The following AMBP variants were observed in gnomAD, a reference collection of about 807,000 sequenced individuals.
The protein encoded by AMBP is protein AMBP.
A neutral mutation model predicts 46.3 loss-of-function variants in AMBP; 37 were observed. That is an observed-to-expected ratio of 0.80 (90% CI 0.61 to 1.05). The LOEUF (loss-of-function observed/expected upper bound fraction) is 1.05. AMBP is among the 50% of genes least tolerant of loss of function. The pLI, the probability that AMBP is intolerant of heterozygous loss-of-function variation, is 0.00. For synonymous variants in AMBP, 174 were observed against 175.9 expected (o/e 0.99, Z 0.09); for missense variants, 475 against 461.2 (o/e 1.03, Z -0.27).
rs1846773791 is a variant in AMBP, at chr9:114,073,967, T to C, written c.454+69A>G. On this transcript the variant is annotated intron_variant, in intron 4 of 9. Coordinates refer to ENST00000265132, the MANE Select transcript of AMBP (RefSeq NM_001633.4). ...AGCAAAACTCCCTGTGCTTACCCAC[T>C]CCACTGTCCATAAATCAATGTCCTC... 4 of 1,455,252 alleles carry C rather than the reference T, an allele frequency of 2.7e-6. No homozygotes were observed. The South Asian group carries it at 4.6e-5, about 17-fold the overall frequency. 90.1% of individuals were successfully genotyped at this position (1,455,252 alleles called of 1,614,324 possible).
intron 5 of AMBP, among the ~76,000 whole-genome samples, chr9:114,070,305 C>T (rs75999836): frequency 0.063 from 9,636 of 152,256 alleles, 475 homozygotes; most frequent in Non-Finnish European, 0.093. Flanking sequence ...GGAGCTGGGA[C>T]CCCTGTGGCT....
At chr9:114,076,888 A>G (rs1412463834) in intron 1 of AMBP, 148 bp from the exon 2 acceptor site, 2 of 1,074,176 alleles carry the variant, frequency 1.9e-6, no homozygotes, top group African/African-American at 3.2e-5. Flanking sequence ...ATGTCTTACA[A>G]CTAATCAGAG....
At chr9:114,061,237 C>T (rs758777980) in intron 8 of AMBP, 139 bp from the exon 9 acceptor site, 6 of 1,391,564 alleles carry the variant, frequency 4.3e-6, no homozygotes, top group African/African-American at 1.4e-5. Context: ...CTGGGGCCCA[C>T]AGGAAGAAAA....
chr9:114,062,646 C>T, intron 7 of AMBP, 31 bp downstream of exon 7: 1 of 1,608,472 alleles, frequency 6.2e-7, no homozygotes, highest in Non-Finnish European at 8.5e-7. Context: ...TGGAGTATGG[C>T]AGAGGGGGTG....
intron 4 of AMBP, 97 bp from the exon 5 acceptor site, chr9:114,073,123 A>AT: frequency 9.4e-7 from 1 of 1,063,402 alleles, no homozygotes; most frequent in Non-Finnish European, 1.4e-6. Context: ...CTTAGGGAAA[A>AT]TTTGAAAACT....
intron 2 of AMBP, 118 bp from the exon 3 acceptor site, chr9:114,075,154 G>A: frequency 1.4e-6 from 1 of 729,786 alleles, no homozygotes; most frequent in South Asian, 1.8e-5. Flanking sequence ...TTGTTTGTGT[G>A]TTTTTGTTTG....
At chr9:114,074,230 C>G in intron 3 of AMBP, 78 bp from the exon 4 acceptor site, 1 of 1,077,374 alleles carries the variant, frequency 9.3e-7, no homozygotes, top group African/African-American at 1.5e-5. Context: ...CACCTGTTTA[C>G]TCACACATCA....
chr9:114,063,752 G>A (rs1321418642), intron 6 of AMBP, among the ~76,000 whole-genome samples: 1 of 152,168 alleles, frequency 6.6e-6, no homozygotes, highest in African/African-American at 2.4e-5. Context: ...AGCCAACAGT[G>A]ATGGAAATGA....
Position 114,060,996 on chromosome 9 carries a change from C to G in AMBP, c.956G>C (p.Gly319Ala). Reference sequence around the variant, plus strand: ...GAACTTGTTCCCGTTGCCCTGGCAGCCCCCGTAGGGGAAGAGGACGCACTT... The same window carrying G: ...GAACTTGTTCCCGTTGCCCTGGCAGGCCCCGTAGGGGAAGAGGACGCACTT... ...KGKCVLFPYGGCQGNGNKFYS... is the reference protein window; with the variant it reads ...KGKCVLFPYGACQGNGNKFYS... Residue 319 changes from glycine to alanine, a missense_variant, in exon 9 of 10, where the codon GGC (glycine) becomes GCC (alanine). Gly to Ala is a moderately conservative substitution (Grantham distance 60). Coordinates refer to ENST00000265132, the MANE Select transcript of AMBP (RefSeq NM_001633.4). 1 of 1,614,242 alleles carries G rather than the reference C, an allele frequency of 6.2e-7. No homozygotes were observed.
chr9:114,060,977 G>C lies in AMBP; in HGVS notation c.975C>G (p.Asn325Lys). The stretch of plus-strand genomic sequence containing the variant: ...TGCACTCCTTCTCTGAGTAGAACTT[G>C]TTCCCGTTGCCCTGGCAGCCCCCGT... ...FPYGGCQGNG[N>K]KFYSEKECRE... The change falls in exon 9 of 10, where the codon AAC becomes AAG. Residue 325 changes from asparagine to lysine, a missense_variant. Physicochemically the swap from Asn to Lys is moderately conservative, Grantham distance 94. Around this residue, in one of 3 missense-constraint regions of AMBP, gnomAD observed 293 missense variants for 276.9 expected, o/e 1.06. Coordinates refer to ENST00000265132, the MANE Select transcript of AMBP (RefSeq NM_001633.4). The C allele has an allele frequency of 1.2e-6, 2 of 1,614,246 alleles. No individual in the cohort carries two copies. Among genetic ancestry groups the C allele is most frequent in the Non-Finnish European group, 1.7e-6 (2 of 1,180,044 alleles).
At chr9:114,077,002 G>A (rs1444495945) in intron 1 of AMBP, among the ~76,000 whole-genome samples, 1 of 152,186 alleles carries the variant, frequency 6.6e-6, no homozygotes, top group Non-Finnish European at 1.5e-5. Context: ...CTGCCCTGCA[G>A]AAGGGCTAAC....
chr9:114,077,140 A>G (rs1846822304), intron 1 of AMBP, among the ~76,000 whole-genome samples: 1 of 152,206 alleles, frequency 6.6e-6, no homozygotes, highest in African/African-American at 2.4e-5. Flanking sequence ...GCCCCATGTT[A>G]GGAATTATTT....
At chr9:114,074,531 A>T (rs1846783818) in intron 3 of AMBP, among the ~76,000 whole-genome samples, 1 of 152,226 alleles carries the variant, frequency 6.6e-6, no homozygotes, top group East Asian at 1.9e-4. Flanking sequence ...CTAGCCAAAC[A>T]TTCATATATT....
chr9:114,074,629 T>C (rs1041724873), intron 3 of AMBP, among the ~76,000 whole-genome samples: 1 of 152,034 alleles, frequency 6.6e-6, no homozygotes. Context: ...AATCCCTCTC[T>C]CACTTAGCAT....
intron 1 of AMBP, among the ~76,000 whole-genome samples, chr9:114,077,788 G>A (rs1162495432): frequency 6.6e-6 from 1 of 152,222 alleles, no homozygotes; most frequent in Non-Finnish European, 1.5e-5. Flanking sequence ...GTGTCTGCAC[G>A]GGGGCTGCAG....
chr9:114,066,508 G>A (rs192343773), intron 6 of AMBP, among the ~76,000 whole-genome samples: 2 of 151,652 alleles, frequency 1.3e-5, no homozygotes, highest in African/African-American at 4.8e-5. Flanking sequence ...GGGATTATAC[G>A]CATGAGCAAA....
rs777385730 is a variant in AMBP, at chr9:114,074,986, T to C, written c.311A>G (p.Asp104Gly). Residue 104 changes from aspartate to glycine, a missense_variant, in exon 3 of 10, where the codon GAT becomes GGT. By Grantham distance (94) the Asp-to-Gly change is moderately conservative (BLOSUM62 -1). Around this residue, in one of 3 missense-constraint regions of AMBP, gnomAD observed 179 missense variants for 167.4 expected, o/e 1.07. Coordinates refer to ENST00000265132, the MANE Select transcript of AMBP (RefSeq NM_001633.4). ...TSGAYEKTDT[D>G]GKFLYHKSKW... ...GGATTTGTGATAGAGAAACTTCCCA[T>C]CAGTATCTGTTTTCTCATAAGCTCC... The C allele has an allele frequency of 6.2e-7, 1 of 1,614,162 alleles. No homozygotes were observed. The highest frequency in any genetic ancestry group is 1.1e-5 in the South Asian group (1 of 91,078).
intron 5 of AMBP, 95 bp from the exon 6 acceptor site, chr9:114,069,840 G>A: frequency 7.5e-7 from 1 of 1,337,344 alleles, no homozygotes; most frequent in Non-Finnish European, 1.1e-6. Context: ...CATCGTGCTG[G>A]GAACTTGTCG....
intron 9 of AMBP, 33 bp downstream of exon 9, chr9:114,060,892 C>T (rs779572445): frequency 6.9e-6 from 11 of 1,597,246 alleles, no homozygotes; most frequent in East Asian, 4.5e-5. Context: ...AACAGCCCCT[C>T]GGCCCAGCCT....
Sources: gnomAD v4.1 joint callset for allele counts (sites outside exome capture counted in the v4.1 genomes callset) on GRCh38, gnomAD v4.1.1 for gene constraint, gnomAD v4.1.1 regional missense constraint, MANE v1.5 for transcripts, NCBI Gene and HGNC (gene_info 2026-07-23, HGNC 2026-07-21) for gene names.